Variants in NIBAN1 observed in about 807,000 individuals in gnomAD.
The protein encoded by NIBAN1 is protein Niban 1.
Under a neutral mutation model 75.1 loss-of-function variants are expected in NIBAN1, and 81 were observed. That is an observed-to-expected ratio of 1.08 (90% confidence interval 0.90 to 1.30). The LOEUF (loss-of-function observed/expected upper bound fraction) is 1.30. Ranked by LOEUF, NIBAN1 falls within the 50% of genes most tolerant of loss-of-function variation. NIBAN1 has a pLI of 0.00. For missense variants in NIBAN1, 1,133 were observed against 1,128.1 expected (o/e 1.00, Z -0.06); for synonymous variants, 436 against 424.8 (o/e 1.03, Z -0.32).
At chr1:184,814,151 A>G (rs1654461969) in intron 9 of NIBAN1, among the ~76,000 whole-genome samples, 1 of 152,210 alleles carries the variant, frequency 6.6e-6, no homozygotes, top group African/African-American at 2.4e-5. Context: ...ATAAAAAATT[A>G]ACTGTAAGAG....
chr1:184,955,962 A>C (rs1208091317), intron 1 of NIBAN1, among the ~76,000 whole-genome samples: 1 of 151,588 alleles, frequency 6.6e-6, no homozygotes, highest in Non-Finnish European at 1.5e-5. Context: ...GTGTCCACTT[A>C]GTGTCTTTGT....
chr1:184,949,316 C>CTACAGCCTGGGCGA (rs1371616205), intron 1 of NIBAN1, among the ~76,000 whole-genome samples: 1 of 152,176 alleles, frequency 6.6e-6, no homozygotes, highest in African/African-American at 2.4e-5. Flanking sequence ...CGAGATTGCA[C>CTACAGCCTGGGCGA]CACTGCACTA....
At chr1:184,954,478 G>T (rs549778406) in intron 1 of NIBAN1, among the ~76,000 whole-genome samples, 2 of 152,130 alleles carry the variant, frequency 1.3e-5, no homozygotes, top group African/African-American at 4.8e-5. Context: ...GAAGACCAGG[G>T]CAAAGGCAAA....
intron 9 of NIBAN1, among the ~76,000 whole-genome samples, chr1:184,815,956 T>G (rs546662155): frequency 1.3e-5 from 2 of 152,236 alleles, no homozygotes; most frequent in African/African-American, 4.8e-5. Flanking sequence ...CACAACATAC[T>G]TTAAATTCTC....
At chr1:184,952,596 C>T (rs1658386482) in intron 1 of NIBAN1, among the ~76,000 whole-genome samples, 1 of 152,132 alleles carries the variant, frequency 6.6e-6, no homozygotes, top group African/African-American at 2.4e-5. Context: ...AAAAAAATCT[C>T]ATAATGTTTT....
chr1:184,904,296 G>T (rs1423173109), intron 1 of NIBAN1, among the ~76,000 whole-genome samples: 1 of 152,086 alleles, frequency 6.6e-6, no homozygotes, highest in East Asian at 1.9e-4. Flanking sequence ...CCATAGTGCT[G>T]GGATTACAGG....
rs543432552 is a variant in NIBAN1 at position 184,832,633 on chromosome 1, A to G, written c.602-671T>C. ...GTGAGTGGCACAGCCCAGGTGTGAA[A>G]TGTAGTCTGACCTCAGAGCTTGCCT... On this transcript the variant is annotated intron_variant, in intron 5 of 13. Transcript: ENST00000367511. 7.2e-5 allele frequency among the ~76,000 whole-genome samples: 11 copies of G among 152,316 alleles called. No individual in the cohort carries two copies. The South Asian group carries it at 1.7e-3, about 23-fold the overall frequency.
At chr1:184,931,749 T>G (rs1035044673) in intron 1 of NIBAN1, among the ~76,000 whole-genome samples, 1 of 152,166 alleles carries the variant, frequency 6.6e-6, no homozygotes, top group Non-Finnish European at 1.5e-5. Flanking sequence ...CAGGCAAAAG[T>G]GCCAAATATC....
At chr1:184,874,659 T>C (rs767792729) in intron 5 of NIBAN1, among the ~76,000 whole-genome samples, 43 of 152,224 alleles carry the variant, frequency 2.8e-4, no homozygotes, top group Non-Finnish European at 5.7e-4. Context: ...TCAAAACATA[T>C]AATTCAACAA....
chr1:184,916,017 A>G (rs1410344264), intron 1 of NIBAN1, among the ~76,000 whole-genome samples: 2 of 152,202 alleles, frequency 1.3e-5, no homozygotes, highest in South Asian at 2.1e-4. Context: ...GAACATTCCC[A>G]TTTTGCAGAT....
chr1:184,876,585 C>T (rs1313201239), intron 5 of NIBAN1, among the ~76,000 whole-genome samples: 1 of 151,758 alleles, frequency 6.6e-6, no homozygotes, highest in East Asian at 1.9e-4. Context: ...CTTGTAATCC[C>T]AGCTACTCTA....
chr1:184,876,301 A>G (rs890982968), intron 5 of NIBAN1, among the ~76,000 whole-genome samples: 1 of 152,194 alleles, frequency 6.6e-6, no homozygotes, highest in Non-Finnish European at 1.5e-5. Context: ...CATCATGAAT[A>G]TATCCTTAAA....
At chr1:184,797,003 T>C (rs1337745057) in intron 13 of NIBAN1, among the ~76,000 whole-genome samples, 3 of 152,200 alleles carry the variant, frequency 2.0e-5, no homozygotes, top group Non-Finnish European at 4.4e-5. Flanking sequence ...CTGGATTCCC[T>C]AGAATTAGCT....
chr1:184,823,724 T>C lies in NIBAN1; in HGVS notation c.736A>G (p.Met246Val). ...TGAAGAGTGGGCAGGAGCTCCTCCATCACCAGGTTACTCAGGATCTGCGCA... is the reference window on the plus strand; with the variant it reads ...TGAAGAGTGGGCAGGAGCTCCTCCACCACCAGGTTACTCAGGATCTGCGCA... The part of the protein sequence containing the change: ...DEIQILSNLV[M>V]EELLPTLQTD... The change falls in exon 7 of 14, where the codon ATG (methionine) becomes GTG (valine). Residue 246 changes from methionine (M) to valine (V), a missense_variant. Physicochemically the swap from Met to Val is conservative, Grantham distance 21 (BLOSUM62 1). Coordinates refer to ENST00000367511, the MANE Select transcript of NIBAN1 (RefSeq NM_052966.4). The C allele has an allele frequency of 6.2e-7, 1 of 1,614,114 alleles. No homozygotes were observed. The highest frequency in any genetic ancestry group is 1.6e-4 in the Middle Eastern group (1 of 6,062).
At chr1:184,887,701 T>C (rs1396885654) in intron 4 of NIBAN1, 1 of 152,248 alleles carries the variant, frequency 6.6e-6, no homozygotes, top group Non-Finnish European at 1.5e-5. Context: ...ACAAATTTAG[T>C]CCACACCAGC....
At position 184,818,738 on chromosome 1, in the gene NIBAN1, A is replaced by G. The variant is rs1654607904; in HGVS notation, c.1073T>C (p.Val358Ala). 2 of 1,613,536 alleles carry G rather than the reference A, an allele frequency of 1.2e-6. No homozygotes were observed. Among genetic ancestry groups the G allele is most frequent in the South Asian group, 2.2e-5 (2 of 91,048 alleles). Residue 358 changes from valine to alanine, a missense_variant, in exon 9 of 14, where the codon GTG (valine) becomes GCG (alanine). Val to Ala is a moderately conservative substitution (Grantham distance 64). Transcript: ENST00000367511. ...ASILEELMGPVSSGFSEVRVL... is the reference protein window; with the variant it reads ...ASILEELMGPASSGFSEVRVL... ...ACGTACTTCACTGAATCCCGAGCTCACTGGTCCCATGAGCTCCTCCAGGAT... is the reference window on the plus strand; with the variant it reads ...ACGTACTTCACTGAATCCCGAGCTCGCTGGTCCCATGAGCTCCTCCAGGAT...
chr1:184,890,160 G>T lies in NIBAN1; in HGVS notation c.381C>A (p.Thr127=), dbSNP rs1202603358. 2 of 1,613,914 alleles carry T rather than the reference G, an allele frequency of 1.2e-6. No homozygotes were observed. The highest frequency in any genetic ancestry group is 1.7e-6 in the Non-Finnish European group (2 of 1,179,886). The change falls in exon 4 of 14, where the codon ACC becomes ACA. Residue 127 remains threonine (T), a synonymous_variant. Coordinates refer to ENST00000367511, the MANE Select transcript of NIBAN1 (RefSeq NM_052966.4). ...ACAACAGATTATATTCATCTTCTGA[G>T]GTTAACACCTTGCCACCGGCTGGAA... is the stretch of plus-strand genomic sequence containing the variant. ...RILPAGGKVL[T]SEDEYNLLSD...
chr1:184,930,997 C>CTTTTTTCTTTTTTTTTTTTTTTT (rs1553229154), intron 1 of NIBAN1, among the ~76,000 whole-genome samples: 2 of 114,556 alleles, frequency 1.7e-5, no homozygotes, highest in African/African-American at 4.5e-5. Context: ...TTTTCTTCTT[C>CTTTTTTCTTTTTTTTTTTTTTTT]TTTTTTTTTT....
In NIBAN1 at chr1:184,794,785, A is replaced by G. The variant is rs1653790491; in HGVS notation, c.*192T>C. 1.4e-6 allele frequency: 1 copy of G among 701,004 alleles called. No homozygotes were observed. The highest frequency in any genetic ancestry group is 2.4e-6 in the Non-Finnish European group (1 of 418,248). 43.4% of individuals were successfully genotyped at this position (701,004 alleles called of 1,614,324 possible). ...TATTAAAATACTAAAGCAAAAATTC[A>G]TCGTAGAACAATTCATGTCCACAAA... On this transcript the variant is annotated 3_prime_UTR_variant, in exon 14 of 14. Coordinates refer to ENST00000367511, the MANE Select transcript of NIBAN1 (RefSeq NM_052966.4).
Sources: gnomAD v4.1 joint callset for allele counts (sites outside exome capture counted in the v4.1 genomes callset) on GRCh38, gnomAD v4.1.1 for gene constraint, MANE v1.5 for transcripts, NCBI Gene and HGNC (gene_info 2026-07-23, HGNC 2026-07-21) for gene names.